Variants in IFT22 observed in about 807,000 individuals in gnomAD.
IFT22 encodes the protein intraflagellar transport 22, also known as intraflagellar transport protein 22 homolog.
A neutral mutation model predicts 21.0 loss-of-function variants in IFT22; 13 were observed. The observed-to-expected ratio is 0.62, with a 90% CI of 0.40 to 0.98. The LOEUF is 0.98. Among genes scored for constraint, IFT22 ranks in the 50% least tolerant of loss-of-function variants. The pLI, the probability that IFT22 is intolerant of heterozygous loss-of-function variation, is 0.00. For missense variants in IFT22, 227 were observed against 228.9 expected (o/e 0.99, Z 0.06); for synonymous variants, 67 against 82.4 (o/e 0.81, Z 1.01).
At chr7:101,316,878 C>T (rs577279621) in intron 3 of IFT22, among the ~76,000 whole-genome samples, 2 of 151,944 alleles carry the variant, frequency 1.3e-5, no homozygotes, top group South Asian at 4.1e-4. Context: ...GAGCTGAGAT[C>T]GTGCCACTGC....
Position 101,321,769 on chromosome 7 carries a change from C to A in IFT22, c.-60G>T, listed in dbSNP as rs1263404775. 11 of 1,476,234 alleles carry A rather than the reference C, an allele frequency of 7.5e-6. No homozygotes were observed. In the East Asian group the frequency reaches 1.0e-4, roughly 14 times the overall value. The allele number at this position is 1,476,234 out of a possible 1,614,324, so 91.4% of individuals were successfully genotyped here. ...CGGGAGGCGGCGCGTCAGGACGGAGCTCTACTTGGCCGCTTTCGTTTCCAT... is the reference window on the plus strand; with the variant it reads ...CGGGAGGCGGCGCGTCAGGACGGAGATCTACTTGGCCGCTTTCGTTTCCAT... On this transcript the variant is annotated 5_prime_UTR_variant, in exon 1 of 5. Transcript: ENST00000315322.
intron 4 of IFT22, 195 bp from the exon 5 acceptor site, chr7:101,315,477 C>T: frequency 1.6e-6 from 1 of 607,552 alleles, no homozygotes; most frequent in African/African-American, 1.9e-5. Context: ...AAACCACTTT[C>T]CAGGTCTTCT....
At position 101,312,719 on chromosome 7, in the gene IFT22, TAG is replaced by T. The variant is rs58852026; in HGVS notation, c.*2413_*2414del. On this transcript the variant is annotated 3_prime_UTR_variant, in exon 5 of 5. Coordinates refer to ENST00000315322, the MANE Select transcript of IFT22 (RefSeq NM_022777.4). Reference sequence around the variant, plus strand: ...CCCAGCTAATTTTTTGTGTTTTTAGTAGAGTCGGGGTTTCACCATGTTGGACA... The same window carrying T: ...CCCAGCTAATTTTTTGTGTTTTTAGTAGTCGGGGTTTCACCATGTTGGACA... Among the ~76,000 whole-genome samples the T allele has an allele frequency of 0.2, 30,848 of 151,436 alleles. 3,347 individuals are homozygous for T. Among genetic ancestry groups the T allele is most frequent in the East Asian group, 0.39 (1,994 of 5,064 alleles).
intron 3 of IFT22, 28 bp from the exon 4 acceptor site, chr7:101,316,570 A>G: frequency 3.1e-6 from 5 of 1,607,826 alleles, no homozygotes; most frequent in Non-Finnish European, 4.3e-6. Flanking sequence ...AACAACAGGG[A>G]AAGTTAGGTC....
rs555252192 is a variant in IFT22 at position 101,311,068 on chromosome 7, A to G, written c.*4066T>C. The G allele has an allele frequency of 2.6e-5, 6 of 234,364 alleles. No homozygotes were observed. The highest frequency in any genetic ancestry group is 2.3e-4 in the South Asian group (5 of 21,740). The allele number at this position is 234,364 out of a possible 1,614,324, so 14.5% of individuals were successfully genotyped here. On this transcript the variant is annotated 3_prime_UTR_variant, in exon 5 of 5. Coordinates refer to ENST00000315322, the MANE Select transcript of IFT22 (RefSeq NM_022777.4). Reference sequence around the variant, plus strand: ...GAGTGCAGTGGCGGGACCTCGGCTCACTGCAAGCTCCGCCTCCCAGGTTCA... The same window carrying G: ...GAGTGCAGTGGCGGGACCTCGGCTCGCTGCAAGCTCCGCCTCCCAGGTTCA...
intron 1 of IFT22, 110 bp downstream of exon 1, chr7:101,321,561 G>T: frequency 8.3e-7 from 1 of 1,198,828 alleles, no homozygotes; most frequent in Non-Finnish European, 1.2e-6. Context: ...CGGTGGGCCC[G>T]GGTTCCCGCC....
In IFT22 at chr7:101,312,937, G is replaced by A. The variant is rs555678662; in HGVS notation, c.*2197C>T. On this transcript the variant is annotated 3_prime_UTR_variant, in exon 5 of 5. Coordinates refer to ENST00000315322, the MANE Select transcript of IFT22 (RefSeq NM_022777.4). ...CAACCTCCGCCTCCCAGGTTCAAGC[G>A]ATTCTCCTGCCTCAGCTTCCCAGGT... 1.5e-4 allele frequency among the ~76,000 whole-genome samples: 23 copies of A among 152,054 alleles called. No individual in the cohort carries two copies. Among genetic ancestry groups the A allele is most frequent in the African/African-American group, 5.1e-4 (21 of 41,480 alleles).
intron 1 of IFT22, chr7:101,321,468 T>C: frequency 3.5e-6 from 2 of 574,486 alleles, no homozygotes; most frequent in Non-Finnish European, 6.1e-6. Context: ...TCGCCTCCAC[T>C]ACCTCCTCCG....
chr7:101,314,988 G>C lies in IFT22; in HGVS notation c.*146C>G. ...CACAGATGGTCTGAGTGAACGCCCT[G>C]TGTGACAGGTGCCTTCCTGCAGGTA... On this transcript the variant is annotated 3_prime_UTR_variant, in exon 5 of 5. Coordinates refer to ENST00000315322, the MANE Select transcript of IFT22 (RefSeq NM_022777.4). 1.3e-6 allele frequency: 1 copy of C among 796,162 alleles called. No individual in the cohort carries two copies. Among genetic ancestry groups the C allele is most frequent in the South Asian group, 1.8e-5 (1 of 54,556 alleles). 49.3% of individuals were successfully genotyped at this position (796,162 alleles called of 1,614,324 possible).
chr7:101,321,815 A>AG (rs11369267), upstream of IFT22: 1,160,120 of 1,160,138 alleles, frequency 1, 580,051 homozygotes, highest in Middle Eastern at 1. Flanking sequence ...AGAGGCCCGC[A>AG]GGGCCGACGG....
At position 101,316,411 on chromosome 7, in the gene IFT22, T is replaced by C. The variant is rs768752630; in HGVS notation, c.338A>G (p.Gln113Arg). Reference sequence around the variant, plus strand: ...TGCAATTAGCATACACTGTGTGTCCTGTAAGGACGGCTGTTGGACAAAGCA... The same window carrying C: ...TGCAATTAGCATACACTGTGTGTCCCGTAAGGACGGCTGTTGGACAAAGCA... ...YSCFVQQPSL[Q>R]DTQCMLIAHH... Residue 113 changes from glutamine (Q) to arginine (R), a missense_variant, in exon 4 of 5, where the codon CAG becomes CGG. Transcript: ENST00000315322. 14 of 1,614,072 alleles carry C rather than the reference T, an allele frequency of 8.7e-6. No homozygotes were observed. In the South Asian group the frequency reaches 9.9e-5, roughly 11 times the overall value.
rs1425456577 is a variant in IFT22, at chr7:101,313,619, C to G, written c.*1515G>C. 1 of 152,236 alleles carries G rather than the reference C, an allele frequency of 6.6e-6. No homozygotes were observed. The highest frequency in any genetic ancestry group is 2.1e-4 in the South Asian group (1 of 4,822). The allele number at this position is 152,236 out of a possible 1,614,324, so 9.4% of individuals were successfully genotyped here. A position where few individuals can be genotyped will look rare whatever the true frequency, so the allele number is the denominator to read the frequency against. On this transcript the variant is annotated 3_prime_UTR_variant, in exon 5 of 5. Coordinates refer to ENST00000315322, the MANE Select transcript of IFT22 (RefSeq NM_022777.4). ...GTGCTGGGATTACAGGCGTGAGCCACCACGCCCAGCCAGGCACTTCAAATT... is the reference window on the plus strand; with the variant it reads ...GTGCTGGGATTACAGGCGTGAGCCAGCACGCCCAGCCAGGCACTTCAAATT...
chr7:101,318,045 G>T, intron 3 of IFT22, 79 bp downstream of exon 3: 2 of 1,239,382 alleles, frequency 1.6e-6, no homozygotes, highest in Non-Finnish European at 1.2e-6. Context: ...TGGAATTACA[G>T]GTGTGAGCCA....
rs1447201925 is a variant in IFT22 at position 101,314,895 on chromosome 7, T to TGGGAAGTTCTGGGGCC, written c.*223_*238dup. The TGGGAAGTTCTGGGGCC allele has an allele frequency of 6.1e-6, 3 of 490,894 alleles. No homozygotes were observed. Among genetic ancestry groups the TGGGAAGTTCTGGGGCC allele is most frequent in the Non-Finnish European group, 1.1e-5 (3 of 277,254 alleles). The allele number at this position is 490,894 out of a possible 1,614,324, so 30.4% of individuals were successfully genotyped here. A position where few individuals can be genotyped will look rare whatever the true frequency, so the allele number is the denominator to read the frequency against. On this transcript the variant is annotated 3_prime_UTR_variant, in exon 5 of 5. Coordinates refer to ENST00000315322, the MANE Select transcript of IFT22 (RefSeq NM_022777.4). ...TAAATCCCTCCATTTTACAGGTCTT[T>TGGGAAGTTCTGGGGCC]GGGAAGTTCTGGGGCCAGGAAATCC...
At chr7:101,317,437 A>AC (rs1390887574) in intron 3 of IFT22, among the ~76,000 whole-genome samples, 1 of 136,760 alleles carries the variant, frequency 7.3e-6, no homozygotes, top group Admixed American at 7.3e-5. Flanking sequence ...CCTGGCCCCT[A>AC]TTTTTTTTTT....
At chr7:101,318,506 C>A (rs568953676) in intron 2 of IFT22, 2 of 294,508 alleles carry the variant, frequency 6.8e-6, no homozygotes, top group Non-Finnish European at 1.3e-5. Flanking sequence ...AGCGACAGGA[C>A]GAGACTCCAT....
rs1392006677 is a variant in IFT22, at chr7:101,313,385, G to C, written c.*1749C>G. ...TTTTTTTTGCTCTGTCACCAGGCTGGAGTGCAGTGGTGCGATCTCGGCTCA... is the reference window on the plus strand; with the variant it reads ...TTTTTTTTGCTCTGTCACCAGGCTGCAGTGCAGTGGTGCGATCTCGGCTCA... On this transcript the variant is annotated 3_prime_UTR_variant, in exon 5 of 5. Transcript: ENST00000315322. The C allele has an allele frequency of 6.6e-6, 1 of 151,670 alleles. No individual in the cohort carries two copies. The highest frequency in any genetic ancestry group is 1.5e-5 in the Non-Finnish European group (1 of 68,150). 9.4% of individuals were successfully genotyped at this position (151,670 alleles called of 1,614,324 possible). A position where few individuals can be genotyped will look rare whatever the true frequency, so the allele number is the denominator to read the frequency against.
In IFT22 at chr7:101,312,803, G is replaced by A. The variant is rs1341715208; in HGVS notation, c.*2331C>T. ...ACCTGCCTTGGCCTCCCAAAGTGCT[G>A]GGATTACAGGTGTGAGCCACTCCAC... On this transcript the variant is annotated 3_prime_UTR_variant, in exon 5 of 5. Coordinates refer to ENST00000315322, the MANE Select transcript of IFT22 (RefSeq NM_022777.4). Among the ~76,000 whole-genome samples, 1 of 150,766 alleles carries A rather than the reference G, an allele frequency of 6.6e-6. No individual in the cohort carries two copies. Among genetic ancestry groups the A allele is most frequent in the Non-Finnish European group, 1.5e-5 (1 of 67,850 alleles).
chr7:101,321,009 G>A (rs1790328187), intron 1 of IFT22, among the ~76,000 whole-genome samples: 1 of 152,200 alleles, frequency 6.6e-6, no homozygotes, highest in South Asian at 2.1e-4. Context: ...CAGGGGTAAT[G>A]GCGTGGGCCT....
Sources: allele counts gnomAD v4.1 joint callset (sites outside exome capture counted in the v4.1 genomes callset), GRCh38; gene constraint gnomAD v4.1.1; transcripts MANE v1.5; gene names NCBI Gene and HGNC (gene_info 2026-07-23, HGNC 2026-07-21).